ATXN7L3: variants seen among roughly 807,000 people sequenced by gnomAD.
ATXN7L3 encodes ataxin-7-like protein 3.
ATXN7L3 carries 6 observed loss-of-function variants against 50.0 expected under a neutral mutation model. That is an observed-to-expected ratio of 0.12 (90% CI 0.07 to 0.24). The LOEUF is 0.24. Ranked by LOEUF, ATXN7L3 falls within the 10% of genes least tolerant of loss-of-function variation. The pLI is 1.00. For synonymous variants in ATXN7L3, 198 were observed against 165.8 expected (o/e 1.19, Z -1.49); for missense variants, 322 against 451.3 (o/e 0.71, Z 2.60).
Position 44,193,049 on chromosome 17 carries a change from G to A in ATXN7L3, c.*1214C>T, listed in dbSNP as rs903106725. On this transcript the variant is annotated 3_prime_UTR_variant, in exon 13 of 13. Coordinates refer to ENST00000587097, the MANE Select transcript of ATXN7L3 (RefSeq NM_001382309.1). ...TGTAGACCAGGCAGGTGGGCACACT[G>A]GCATGACAGTCCCACAGAGGGGCAG... The A allele has an allele frequency of 1.3e-5, 2 of 152,202 alleles. No homozygotes were observed. The highest frequency in any genetic ancestry group is 6.5e-5 in the Admixed American group (1 of 15,270). The allele number at this position is 152,202 out of a possible 1,614,324, so 9.4% of individuals were successfully genotyped here.
rs1059666 is a variant in ATXN7L3, at chr17:44,194,380, C to T, written c.927G>A (p.Lys309=). ...CCAGGCTCAGATGGGATTTCTTTTT[C>T]TTGGTTTTCCGTGACTCAGAGCTGT... ...GTNSSESRKT[K]KKKSHLSLVG... The change falls in exon 13 of 13, where the codon AAG becomes AAA. Residue 309 remains lysine, a synonymous_variant. Coordinates refer to ENST00000587097, the MANE Select transcript of ATXN7L3 (RefSeq NM_001382309.1). The T allele has an allele frequency of 3.1e-6, 5 of 1,614,070 alleles. No individual in the cohort carries two copies. The African/African-American group carries it at 4.0e-5, about 13-fold the overall frequency.
rs1399681512 is a variant in ATXN7L3, at chr17:44,197,708, G to C, written c.74C>G (p.Ala25Gly). ...KLEAIAQEIY[A>G]DLVEDSCLGF... is the part of the protein sequence containing the mutation. The stretch of plus-strand genomic sequence containing the variant: ...CAAACAAGAATCCTCGACCAGGTCC[G>C]CGTATATCTCCTGAGCGATGGCCTG... The change falls in exon 3 of 13, where the codon GCG (alanine) becomes GGG (glycine). Residue 25 changes from alanine to glycine, a missense_variant. Ala to Gly is a moderately conservative substitution (Grantham distance 60). Around this residue, in one of 5 missense-constraint regions of ATXN7L3, gnomAD observed 33 missense variants for 35.1 expected, o/e 0.94. Coordinates refer to ENST00000587097, the MANE Select transcript of ATXN7L3 (RefSeq NM_001382309.1). The C allele has an allele frequency of 6.2e-7, 1 of 1,614,272 alleles. No individual in the cohort carries two copies. Among genetic ancestry groups the C allele is most frequent in the South Asian group, 1.1e-5 (1 of 91,088 alleles).
rs1437035564 is a variant in ATXN7L3, at chr17:44,196,431, A to G, written c.455-13T>C. On this transcript the variant is annotated splice_polypyrimidine_tract_variant and intron_variant, in intron 5 of 12. Coordinates refer to ENST00000587097, the MANE Select transcript of ATXN7L3 (RefSeq NM_001382309.1). ...TTTCTCTTCTTGGCTGTGGGAAACA[A>G]AAGCATAAAGAGCAGGGTTTCCGTT... The G allele has an allele frequency of 1.2e-6, 2 of 1,613,862 alleles. No individual in the cohort carries two copies. The highest frequency in any genetic ancestry group is 1.3e-5 in the African/African-American group (1 of 74,866).
At chr17:44,198,184 G>A (rs571016725) in intron 1 of ATXN7L3, 54 bp from the exon 2 acceptor site, 38 of 1,012,184 alleles carry the variant, frequency 3.8e-5, no homozygotes, top group African/African-American at 1.8e-4. Flanking sequence ...CTCTGAATGC[G>A]GCCACCTTCC....
rs1363267147 is a variant in ATXN7L3, at chr17:44,198,168, A to G, written c.-60-38T>C. The G allele has an allele frequency of 7.3e-6, 9 of 1,239,678 alleles. No individual in the cohort carries two copies. The East Asian group carries it at 9.4e-5, about 13-fold the overall frequency. 76.8% of individuals were successfully genotyped at this position (1,239,678 alleles called of 1,614,324 possible). ...GGGTGGGGGTGTTGTTGTGAGTCCA[A>G]GGCACCTCTGAATGCGGCCACCTTC... On this transcript the variant is annotated intron_variant, in intron 1 of 12. Coordinates refer to ENST00000587097, the MANE Select transcript of ATXN7L3 (RefSeq NM_001382309.1).
chr17:44,194,900 C>T (rs2055827439), intron 10 of ATXN7L3, 61 bp from the exon 11 acceptor site: 2 of 1,584,106 alleles, frequency 1.3e-6, no homozygotes, highest in African/African-American at 1.3e-5. Flanking sequence ...CTCCCCTCGG[C>T]AAGGCAGGAG....
rs979941415 is a variant in ATXN7L3, at chr17:44,192,095, G to A, written c.*2168C>T. Reference sequence around the variant, plus strand: ...CACACACACTCAGACACAGGATACAGGGTGGACGACACCTAGCCGGGGTGG... The same window carrying A: ...CACACACACTCAGACACAGGATACAAGGTGGACGACACCTAGCCGGGGTGG... On this transcript the variant is annotated 3_prime_UTR_variant, in exon 13 of 13. Transcript: ENST00000587097. The A allele has an allele frequency of 6.6e-6, 1 of 152,598 alleles. No homozygotes were observed. Among genetic ancestry groups the A allele is most frequent in the African/African-American group, 2.4e-5 (1 of 41,426 alleles). The allele number at this position is 152,598 out of a possible 1,614,324, so 9.5% of individuals were successfully genotyped here.
At chr17:44,197,191 A>T (rs2055939896) in intron 4 of ATXN7L3, 37 bp downstream of exon 4, 1 of 1,575,402 alleles carries the variant, frequency 6.3e-7, no homozygotes, top group African/African-American at 1.3e-5. Context: ...ACACCATGGC[A>T]CAGGCTGCAG....
chr17:44,197,535 G>C, intron 3 of ATXN7L3, 63 bp downstream of exon 3: 2 of 1,610,002 alleles, frequency 1.2e-6, no homozygotes, highest in Non-Finnish European at 1.7e-6. Flanking sequence ...AGTTTCCAGA[G>C]AAGGAAACTC....
At chr17:44,195,200 G>T in intron 9 of ATXN7L3, 60 bp from the exon 10 acceptor site, 1 of 1,554,634 alleles carries the variant, frequency 6.4e-7, no homozygotes. Flanking sequence ...GATGTTAGAT[G>T]TTTCTTTCTG....
rs2055817866 is a variant in ATXN7L3, at chr17:44,194,674, A to G, written c.738T>C (p.Ala246=). ...TVRIYFLGPS[A]VLPEVESSLD... ...GGGAGCTCTCGACCTCTGGAAGGAC[A>G]CTGGAAAGGGGATGAGCCAAAGAAG... Residue 246 remains alanine, a splice_region_variant and synonymous_variant, in exon 12 of 13, where the codon GCT becomes GCC. Coordinates refer to ENST00000587097, the MANE Select transcript of ATXN7L3 (RefSeq NM_001382309.1). 1 of 1,613,890 alleles carries G rather than the reference A, an allele frequency of 6.2e-7. No homozygotes were observed. The highest frequency in any genetic ancestry group is 1.7e-5 in the Admixed American group (1 of 59,996).
intron 8 of ATXN7L3, 47 bp downstream of exon 8, chr17:44,195,753 C>A (rs2144475540): frequency 3.2e-6 from 5 of 1,560,896 alleles, no homozygotes; most frequent in Non-Finnish European, 4.4e-6. Flanking sequence ...CCCACCACCT[C>A]ACAACCAGGA....
chr17:44,193,903 G>GCTTA lies in ATXN7L3; in HGVS notation c.*356_*359dup, dbSNP rs1356776003. 5 of 233,886 alleles carry GCTTA rather than the reference G, an allele frequency of 2.1e-5. No homozygotes were observed. Among genetic ancestry groups the GCTTA allele is most frequent in the African/African-American group, 1.2e-4 (5 of 43,466 alleles). The allele number at this position is 233,886 out of a possible 1,614,324, so 14.5% of individuals were successfully genotyped here. A position where few individuals can be genotyped will look rare whatever the true frequency, so the allele number is the denominator to read the frequency against. ...GGTCGCCACATTGCCCCTCAGCAGG[G>GCTTA]CTTAGTCCAGTTCCTGGGGTGGGGG... On this transcript the variant is annotated 3_prime_UTR_variant, in exon 13 of 13. Coordinates refer to ENST00000587097, the MANE Select transcript of ATXN7L3 (RefSeq NM_001382309.1).
At chr17:44,195,709 G>C in intron 8 of ATXN7L3, 91 bp downstream of exon 8, 1 of 1,412,266 alleles carries the variant, frequency 7.1e-7, no homozygotes, top group Non-Finnish European at 1.0e-6. Context: ...AGTGCCTCTG[G>C]CTGTCAGCAT....
chr17:44,199,596 C>A lies in ATXN7L3; in HGVS notation c.-161G>T. 6.8e-6 allele frequency: 1 copy of A among 147,682 alleles called. No homozygotes were observed. Among genetic ancestry groups the A allele is most frequent in the South Asian group, 2.0e-4 (1 of 4,910 alleles). 9.1% of individuals were successfully genotyped at this position (147,682 alleles called of 1,614,324 possible). On this transcript the variant is annotated 5_prime_UTR_variant, in exon 1 of 13. Coordinates refer to ENST00000587097, the MANE Select transcript of ATXN7L3 (RefSeq NM_001382309.1). Reference sequence around the variant, plus strand: ...GCTCCGGAGCCCCATGTCCGTCGGTCCGTCCTCGCCTCTCCCCGGGGCCCA... The same window carrying A: ...GCTCCGGAGCCCCATGTCCGTCGGTACGTCCTCGCCTCTCCCCGGGGCCCA...
In ATXN7L3 at chr17:44,195,307, G is replaced by C. The variant is rs1045488674; in HGVS notation, c.621+112C>G. On this transcript the variant is annotated intron_variant, in intron 9 of 12. Transcript: ENST00000587097. ...GCCGGGAAACCTAATTCCAGACAGAGAGAACGATACGGCCCTGACTGCTAG... is the reference window on the plus strand; with the variant it reads ...GCCGGGAAACCTAATTCCAGACAGACAGAACGATACGGCCCTGACTGCTAG... 7.4e-5 allele frequency: 102 copies of C among 1,384,002 alleles called. 1 individual carries two copies. In the South Asian group the frequency reaches 8.4e-4, roughly 11 times the overall value. The allele number at this position is 1,384,002 out of a possible 1,614,324, so 85.7% of individuals were successfully genotyped here.
intron 6 of ATXN7L3, 131 bp downstream of exon 6, chr17:44,196,265 G>A: frequency 4.8e-6 from 2 of 419,244 alleles, no homozygotes; most frequent in East Asian, 7.1e-5. Flanking sequence ...CCCCGCCCCG[G>A]ACCCACCAAA....
Position 44,193,983 on chromosome 17 carries a change from C to G in ATXN7L3, c.*280G>C. The G allele has an allele frequency of 2.5e-6, 1 of 403,718 alleles. No individual in the cohort carries two copies. Among genetic ancestry groups the G allele is most frequent in the Non-Finnish European group, 4.5e-6 (1 of 222,572 alleles). 25.0% of individuals were successfully genotyped at this position (403,718 alleles called of 1,614,324 possible). On this transcript the variant is annotated 3_prime_UTR_variant, in exon 13 of 13. Transcript: ENST00000587097. ...TCAGGCCCCTGGCCTAGCTGGACAT[C>G]CAGTAACTCACAGAATAAATAGGAA...
At chr17:44,197,985 G>C in intron 2 of ATXN7L3, 35 bp downstream of exon 2, 3 of 1,605,484 alleles carry the variant, frequency 1.9e-6, no homozygotes, top group Non-Finnish European at 2.6e-6. Flanking sequence ...GACATCAAGA[G>C]AAAGAACTGG....
Sources: allele counts gnomAD v4.1 joint callset, GRCh38; gene constraint gnomAD v4.1.1; regional missense constraint gnomAD v4.1.1; transcripts MANE v1.5; gene names NCBI Gene and HGNC (gene_info 2026-07-23, HGNC 2026-07-21).